GPHN: variants seen among roughly 807,000 people sequenced by gnomAD.
GPHN encodes the protein gephyrin.
GPHN carries 17 observed loss-of-function variants against 95.5 expected under a neutral mutation model. The observed-to-expected ratio is 0.18, with a 90% CI of 0.12 to 0.27. GPHN has a LOEUF of 0.27. GPHN is among the 10% of genes least tolerant of loss of function. The pLI, the probability that GPHN is intolerant of heterozygous loss-of-function variation, is 1.00. For synonymous variants in GPHN, 320 were observed against 322.5 expected, an observed-to-expected ratio of 0.99 and a Z score of 0.08; for missense variants, 660 against 978.1, an observed-to-expected ratio of 0.67 and a Z score of 4.34.
chr14:67,138,550 G>A (rs1784589853), intron 17 of GPHN, among the ~76,000 whole-genome samples: 1 of 152,034 alleles, frequency 6.6e-6, no homozygotes, highest in South Asian at 2.1e-4. Context: ...GTTTTTATAT[G>A]TTAAAAATGA....
At chr14:67,390,919 T>C in the GPHN span, among the ~76,000 whole-genome samples, 5 of 152,276 alleles carry the variant, frequency 3.3e-5, no homozygotes, top group Non-Finnish European at 7.3e-5. Flanking sequence ...CAGACCTCCC[T>C]GCCAACACCC....
chr14:66,568,350 C>T (rs2060544286), intron 1 of GPHN, among the ~76,000 whole-genome samples: 2 of 152,098 alleles, frequency 1.3e-5, no homozygotes. Context: ...GTTAGGCCTG[C>T]GTGCCTTGTT....
intron 2 of GPHN, among the ~76,000 whole-genome samples, chr14:66,761,659 C>CTTT (rs753179169): frequency 7.4e-6 from 1 of 135,634 alleles, no homozygotes; most frequent in African/African-American, 2.6e-5. Context: ...ATACTCAGTT[C>CTTT]TTTTTTTTTT....
chr14:67,316,875 A>C, the GPHN span: 3 of 1,612,460 alleles, frequency 1.9e-6, no homozygotes, highest in Non-Finnish European at 2.5e-6. Flanking sequence ...AACAAACCAT[A>C]GAAGAAGATA....
At chr14:67,327,859 G>A in the GPHN span, among the ~76,000 whole-genome samples, 680 of 152,282 alleles carry the variant, frequency 4.5e-3, 2 homozygotes, top group Non-Finnish European at 6.8e-3. Context: ...TGGTGTATAT[G>A]TGCCACATTT....
At chr14:67,320,241 G>A in the GPHN span, 15 of 1,607,784 alleles carry the variant, frequency 9.3e-6, no homozygotes, top group African/African-American at 1.3e-5. Context: ...TTATGACAAC[G>A]AGGAGATCTT....
intron 9 of GPHN, among the ~76,000 whole-genome samples, chr14:66,972,176 G>T (rs1333217180): frequency 6.7e-6 from 1 of 150,152 alleles, no homozygotes; most frequent in Non-Finnish European, 1.5e-5. Context: ...GCTGAGGCAG[G>T]AGAATCACTT....
At chr14:66,522,848 T>C (rs937031692) in intron 1 of GPHN, among the ~76,000 whole-genome samples, 1 of 152,034 alleles carries the variant, frequency 6.6e-6, no homozygotes, top group Non-Finnish European at 1.5e-5. Flanking sequence ...TATTTGATTC[T>C]GAAAATCTAT....
intron 2 of GPHN, among the ~76,000 whole-genome samples, chr14:66,756,632 A>G (rs2058566104): frequency 6.6e-6 from 1 of 152,206 alleles, no homozygotes; most frequent in Non-Finnish European, 1.5e-5. Context: ...CCTGGACTTG[A>G]ATCATTTGTT....
At chr14:67,556,943 C>T in the GPHN span, among the ~76,000 whole-genome samples, 1 of 152,122 alleles carries the variant, frequency 6.6e-6, no homozygotes, top group African/African-American at 2.4e-5. Context: ...TTTGTCCTGC[C>T]CAACTCATTC....
the GPHN span, among the ~76,000 whole-genome samples, chr14:67,323,249 GTGTGTGTGTGTGTATATA>G: frequency 6.3e-5 from 9 of 142,558 alleles, 1 homozygote; most frequent in African/African-American, 2.5e-4. Context: ...GTGTGTGTGT[GTGTGTGTGTGTGTATATA>G]TATATATGGC....
At chr14:67,732,183 T>A in the GPHN span, among the ~76,000 whole-genome samples, 1 of 148,592 alleles carries the variant, frequency 6.7e-6, no homozygotes, top group South Asian at 2.1e-4. Context: ...ATGCCTGTAG[T>A]CCCAGTACTT....
At chr14:66,874,740 A>C (rs184752643) in intron 4 of GPHN, among the ~76,000 whole-genome samples, 104 of 152,348 alleles carry the variant, frequency 6.8e-4, no homozygotes, top group Non-Finnish European at 1.2e-3. Flanking sequence ...CAGAGCCTCC[A>C]AGAAATATGG....
At chr14:67,149,479 T>G (rs575227041) in intron 18 of GPHN, among the ~76,000 whole-genome samples, 173 of 152,308 alleles carry the variant, frequency 1.1e-3, no homozygotes, top group African/African-American at 4.1e-3. Flanking sequence ...ATAGCTCACA[T>G]AAACAAAAAC....
chr14:67,414,537 C>T, the GPHN span, among the ~76,000 whole-genome samples: 1 of 152,156 alleles, frequency 6.6e-6, no homozygotes, highest in Non-Finnish European at 1.5e-5. Flanking sequence ...GGCCTGGAGG[C>T]TGATGTGGAA....
At chr14:67,563,766 C>T in the GPHN span, among the ~76,000 whole-genome samples, 1 of 137,096 alleles carries the variant, frequency 7.3e-6, no homozygotes, top group Non-Finnish European at 1.5e-5. Flanking sequence ...CAGAGTCTTG[C>T]TCTGTCACCC....
chr14:67,175,161 GT>G (rs2082859576), intron 21 of GPHN, among the ~76,000 whole-genome samples: 2 of 152,164 alleles, frequency 1.3e-5, no homozygotes, highest in Admixed American at 1.3e-4. Context: ...CCATGCCTAT[GT>G]CCTGAATGGT....
intron 5 of GPHN, among the ~76,000 whole-genome samples, chr14:66,897,258 A>C (rs1464930431): frequency 6.6e-6 from 1 of 152,074 alleles, no homozygotes; most frequent in African/African-American, 2.4e-5. Flanking sequence ...ACTTAGGTTG[A>C]CTTCATATTT....
the GPHN span, among the ~76,000 whole-genome samples, chr14:67,461,818 C>G: frequency 6.6e-6 from 1 of 152,244 alleles, no homozygotes; most frequent in South Asian, 2.1e-4. Flanking sequence ...GAGTGAAAGT[C>G]AGCAAAATAA....
Sources: gnomAD v4.1 joint callset for allele counts (sites outside exome capture counted in the v4.1 genomes callset) on GRCh38, gnomAD v4.1.1 for gene constraint, MANE v1.5 for transcripts, NCBI Gene and HGNC (gene_info 2026-07-23, HGNC 2026-07-21) for gene names.